Variants in EPHB1 observed in about 807,000 individuals in gnomAD.
EPHB1 encodes the protein EPH receptor B1.
A neutral mutation model predicts 94.4 loss-of-function variants in EPHB1; 30 were observed. The observed-to-expected ratio is 0.32, with a 90% confidence interval of 0.24 to 0.43. EPHB1 has a LOEUF of 0.43. Ranked by LOEUF, EPHB1 falls within the 20% of genes least tolerant of loss-of-function variation. EPHB1 has a pLI of 1.00. For synonymous variants in EPHB1, 522 were observed against 489.1 expected (o/e 1.07, Z -0.89); for missense variants, 1,055 against 1,308.3 (o/e 0.81, Z 2.99).
intron 5 of EPHB1, among the ~76,000 whole-genome samples, chr3:135,153,765 C>A (rs894832135): frequency 6.6e-6 from 1 of 152,182 alleles, no homozygotes; most frequent in Non-Finnish European, 1.5e-5. Flanking sequence ...ATAGCTCAGC[C>A]CACAACTGCA....
intron 2 of EPHB1, among the ~76,000 whole-genome samples, chr3:134,948,779 G>A (rs949057327): frequency 6.6e-6 from 1 of 152,264 alleles, no homozygotes; most frequent in Non-Finnish European, 1.5e-5. Flanking sequence ...CCCCCTCAGG[G>A]CTCACTGACT....
chr3:134,824,525 A>G (rs1441290377), intron 1 of EPHB1, among the ~76,000 whole-genome samples: 2 of 152,220 alleles, frequency 1.3e-5, no homozygotes, highest in Non-Finnish European at 1.5e-5. Flanking sequence ...AAGATGCTAC[A>G]GCAGTTATCT....
At chr3:135,168,952 C>A (rs1156368617) in intron 9 of EPHB1, among the ~76,000 whole-genome samples, 3 of 152,148 alleles carry the variant, frequency 2.0e-5, no homozygotes, top group African/African-American at 7.2e-5. Context: ...CAAGCCAAGC[C>A]TTGGCTTCAC....
intron 3 of EPHB1, among the ~76,000 whole-genome samples, chr3:135,072,111 C>T (rs1937738564): frequency 1.3e-5 from 2 of 152,158 alleles, no homozygotes; most frequent in African/African-American, 4.8e-5. Flanking sequence ...TGATGGCTCA[C>T]ACTTGTAATC....
chr3:134,890,831 A>G (rs899459771), intron 1 of EPHB1, among the ~76,000 whole-genome samples: 1 of 152,118 alleles, frequency 6.6e-6, no homozygotes, highest in African/African-American at 2.4e-5. Flanking sequence ...TTTTGTTGCT[A>G]TTATAAGTGG....
chr3:135,043,988 G>A (rs1443465303), intron 3 of EPHB1, among the ~76,000 whole-genome samples: 1 of 152,206 alleles, frequency 6.6e-6, no homozygotes, highest in Non-Finnish European at 1.5e-5. Flanking sequence ...GCTAATGAGA[G>A]AACAAATAGG....
intron 12 of EPHB1, among the ~76,000 whole-genome samples, chr3:135,215,385 A>AC (rs113802251): frequency 0.011 from 1,672 of 151,626 alleles, 23 homozygotes; most frequent in African/African-American, 0.037. Context: ...CTGGTCTCAA[A>AC]CTCCCGACCT....
At chr3:134,853,825 G>A (rs1408519607) in intron 1 of EPHB1, among the ~76,000 whole-genome samples, 1 of 152,178 alleles carries the variant, frequency 6.6e-6, no homozygotes, top group Non-Finnish European at 1.5e-5. Context: ...CCAAAGCAGG[G>A]ATGGAAAACA....
At chr3:134,822,641 A>C (rs1680590814) in intron 1 of EPHB1, among the ~76,000 whole-genome samples, 1 of 152,150 alleles carries the variant, frequency 6.6e-6, no homozygotes, top group Admixed American at 6.5e-5. Context: ...GGCTTTCTCT[A>C]TGCACCATCC....
chr3:135,241,122 C>G, intron 12 of EPHB1, 26 bp from the exon 13 acceptor site: 1 of 1,614,050 alleles, frequency 6.2e-7, no homozygotes. Flanking sequence ...GATTGTTGGG[C>G]TGACCACGGT....
In EPHB1 at chr3:135,152,337, T is replaced by C. The variant is rs149702317; in HGVS notation, c.1298-1815T>C. Among the ~76,000 whole-genome samples, 85 of 152,308 alleles carry C rather than the reference T, an allele frequency of 5.6e-4. 1 individual carries two copies. The highest frequency in any genetic ancestry group is 1.9e-3 in the African/African-American group (79 of 41,562). On this transcript the variant is annotated intron_variant, in intron 5 of 15. Coordinates refer to ENST00000398015, the MANE Select transcript of EPHB1 (RefSeq NM_004441.5). ...GATATGTAAATTGGTGAGACTTACCTAAGTATAGAACAGCAGCTCCTGGAG... is the reference window on the plus strand; with the variant it reads ...GATATGTAAATTGGTGAGACTTACCCAAGTATAGAACAGCAGCTCCTGGAG...
intron 12 of EPHB1, among the ~76,000 whole-genome samples, chr3:135,236,416 A>G (rs1225479098): frequency 6.6e-6 from 1 of 152,116 alleles, no homozygotes; most frequent in Non-Finnish European, 1.5e-5. Flanking sequence ...CCCTGTTTCC[A>G]AAGAAGATCA....
chr3:135,252,982 T>C (rs1241857233), intron 15 of EPHB1, among the ~76,000 whole-genome samples: 4 of 150,658 alleles, frequency 2.7e-5, no homozygotes, highest in African/African-American at 9.7e-5. Context: ...GTGAGCATTT[T>C]TTCATGTGTT....
intron 12 of EPHB1, among the ~76,000 whole-genome samples, chr3:135,215,143 G>A (rs949587663): frequency 2.6e-5 from 4 of 151,848 alleles, no homozygotes; most frequent in Non-Finnish European, 5.9e-5. Flanking sequence ...GATGGCAGAT[G>A]TACAGTTTTC....
intron 13 of EPHB1, among the ~76,000 whole-genome samples, chr3:135,244,170 A>T (rs1943863917): frequency 6.6e-6 from 1 of 152,170 alleles, no homozygotes; most frequent in South Asian, 2.1e-4. Context: ...ATCCCTACAG[A>T]ACCTGTGTAC....
chr3:135,067,357 G>T (rs546756313), intron 3 of EPHB1, among the ~76,000 whole-genome samples: 1 of 152,116 alleles, frequency 6.6e-6, no homozygotes, highest in Non-Finnish European at 1.5e-5. Flanking sequence ...CTCCTTGGGC[G>T]TGTCTTGCTG....
intron 9 of EPHB1, among the ~76,000 whole-genome samples, chr3:135,170,609 G>C (rs1463765621): frequency 6.6e-6 from 1 of 152,110 alleles, no homozygotes; most frequent in African/African-American, 2.4e-5. Context: ...CTGACTAACA[G>C]TTGCCTGGAT....
At chr3:135,011,636 G>A (rs1935623437) in intron 3 of EPHB1, among the ~76,000 whole-genome samples, 1 of 152,088 alleles carries the variant, frequency 6.6e-6, no homozygotes, top group Non-Finnish European at 1.5e-5. Context: ...GGGAGTGGGG[G>A]AAACAGAGAC....
chr3:135,254,268 G>A (rs1157897546), intron 15 of EPHB1, among the ~76,000 whole-genome samples: 1 of 73,698 alleles, frequency 1.4e-5, no homozygotes, highest in Non-Finnish European at 2.8e-5. Context: ...GGAGTGGTGA[G>A]AGAGGGCATC....
Sources: allele counts gnomAD v4.1 joint callset (sites outside exome capture counted in the v4.1 genomes callset), GRCh38; gene constraint gnomAD v4.1.1; transcripts MANE v1.5; gene names NCBI Gene and HGNC (gene_info 2026-07-23, HGNC 2026-07-21).